Variants in STX2 observed in about 807,000 individuals in gnomAD.
STX2 encodes the protein syntaxin-2.
A neutral mutation model predicts 40.6 loss-of-function variants in STX2; 27 were observed. That is an observed-to-expected ratio of 0.66 (90% confidence interval 0.49 to 0.92). The LOEUF (loss-of-function observed/expected upper bound fraction) is 0.92, where lower values mean the gene tolerates loss of function less well. Among genes scored for constraint, STX2 ranks in the 40% least tolerant of loss-of-function variants. The pLI is 0.00. For synonymous variants in STX2, 123 were observed against 119.1 expected, an observed-to-expected ratio of 1.03 and a Z score of -0.22; for missense variants, 328 against 366.1, an observed-to-expected ratio of 0.90 and a Z score of 0.85.
chr12:130,818,185 A>ATATATATATATATATATAT (rs1555222352), intron 3 of STX2, among the ~76,000 whole-genome samples: 34 of 70,518 alleles, frequency 4.8e-4, no homozygotes, highest in African/African-American at 9.5e-4. Flanking sequence ...AAAAAAAAAA[A>ATATATATATATATATATAT]ATATATATAT....
chr12:130,809,274 G>A (rs1951557440), intron 4 of STX2, among the ~76,000 whole-genome samples: 1 of 151,548 alleles, frequency 6.6e-6, no homozygotes, highest in Admixed American at 6.6e-5. Context: ...ACAAATACAT[G>A]GAAAACACAC....
chr12:130,807,846 C>A lies in STX2; in HGVS notation c.355-756G>T, dbSNP rs144599782. Among the ~76,000 whole-genome samples, 1,049 of 152,276 alleles carry A rather than the reference C, an allele frequency of 6.9e-3. 8 individuals are homozygous for A. The highest frequency in any genetic ancestry group is 0.024 in the African/African-American group (993 of 41,546). ...CCAAAGGGACAGTTAAGCTTGGGAA[C>A]TGAGTCATGCAAAACACTGCCCTCC... On this transcript the variant is annotated intron_variant, in intron 5 of 10. Coordinates refer to ENST00000392373, the MANE Select transcript of STX2 (RefSeq NM_194356.4).
intron 3 of STX2, 122 bp downstream of exon 3, chr12:130,821,567 T>C: frequency 1.3e-6 from 1 of 774,676 alleles, no homozygotes; most frequent in Middle Eastern, 2.9e-4. Flanking sequence ...CTCTCTAGGG[T>C]GTCAGCATTT....
chr12:130,792,454 G>GA (rs1185872630), intron 10 of STX2, among the ~76,000 whole-genome samples: 1 of 152,148 alleles, frequency 6.6e-6, no homozygotes, highest in Non-Finnish European at 1.5e-5. Context: ...CTTGTTGGCT[G>GA]AAAAATCCTA....
chr12:130,815,208 G>A (rs575178260), intron 3 of STX2, among the ~76,000 whole-genome samples: 13 of 152,338 alleles, frequency 8.5e-5, no homozygotes, highest in African/African-American at 3.1e-4. Flanking sequence ...GAGATTCTCA[G>A]GGGAATCTTT....
chr12:130,833,593 T>C (rs1952653918), intron 1 of STX2, among the ~76,000 whole-genome samples: 1 of 152,116 alleles, frequency 6.6e-6, no homozygotes, highest in Non-Finnish European at 1.5e-5. Context: ...GCATCTTTAG[T>C]AGAGACGAGG....
rs1196823248 is a variant in STX2, at chr12:130,801,236, G to A, written c.592C>T (p.His198Tyr). The A allele has an allele frequency of 1.9e-6, 3 of 1,613,788 alleles. No individual in the cohort carries two copies. Among genetic ancestry groups the A allele is most frequent in the Non-Finnish European group, 2.5e-6 (3 of 1,179,876 alleles). Residue 198 changes from histidine to tyrosine, a missense_variant, in exon 8 of 11, where the codon CAC (histidine) becomes TAC (tyrosine). Coordinates refer to ENST00000392373, the MANE Select transcript of STX2 (RefSeq NM_194356.4). Reference protein sequence around the residue: ...RQALNEIESRHKDIMKLETSI... With the variant: ...RQALNEIESRYKDIMKLETSI... Reference sequence around the variant, plus strand: ...GTCTCCAGCTTCATGATGTCCTTGTGACGTGACTCGATTTCATTGAGAGCT... The same window carrying A: ...GTCTCCAGCTTCATGATGTCCTTGTAACGTGACTCGATTTCATTGAGAGCT...
rs73457318 is a variant in STX2 at position 130,828,548 on chromosome 12, C to T, written c.31-1281G>A. Among the ~76,000 whole-genome samples the T allele has an allele frequency of 1.1e-3, 171 of 151,802 alleles. 1 individual carries two copies. The highest frequency in any genetic ancestry group is 3.9e-3 in the African/African-American group (161 of 41,434). Reference sequence around the variant, plus strand: ...AGCCACTTCGCCCAGCCTGTACACTCGTAATTCTAAGCAAAGCAGCACTTC... The same window carrying T: ...AGCCACTTCGCCCAGCCTGTACACTTGTAATTCTAAGCAAAGCAGCACTTC... On this transcript the variant is annotated intron_variant, in intron 1 of 10. Coordinates refer to ENST00000392373, the MANE Select transcript of STX2 (RefSeq NM_194356.4).
rs963138918 is a variant in STX2 at position 130,798,723 on chromosome 12, A to G, written c.676-88T>C. 5.1e-6 allele frequency: 5 copies of G among 973,694 alleles called. 1 individual carries two copies. Among genetic ancestry groups the G allele is most frequent in the Non-Finnish European group, 3.0e-6 (2 of 677,180 alleles). The allele number at this position is 973,694 out of a possible 1,614,324, so 60.3% of individuals were successfully genotyped here. ...GACAACCATAGAACAAAGGTTTTAT[A>G]TAAACACGATGTGCATGTAATGGAT... On this transcript the variant is annotated intron_variant, in intron 8 of 10. Transcript: ENST00000392373.
chr12:130,805,561 A>C (rs1008564384), intron 6 of STX2, among the ~76,000 whole-genome samples: 1 of 152,194 alleles, frequency 6.6e-6, no homozygotes, highest in Non-Finnish European at 1.5e-5. Flanking sequence ...AGCATGCCAG[A>C]GGGAACACGC....
intron 1 of STX2, among the ~76,000 whole-genome samples, chr12:130,838,144 C>T (rs1210674124): frequency 6.6e-6 from 1 of 152,172 alleles, no homozygotes; most frequent in East Asian, 1.9e-4. Context: ...ATTTAGAGAC[C>T]AGAGGCTCTA....
At chr12:130,812,369 G>T in intron 4 of STX2, 1 of 454,876 alleles carries the variant, frequency 2.2e-6, no homozygotes, top group Admixed American at 2.4e-5. Context: ...GGTGCGGGTG[G>T]GAGCTCATGG....
In STX2 at chr12:130,817,726, A is replaced by G. The variant is rs113067963; in HGVS notation, c.205+3963T>C. On this transcript the variant is annotated intron_variant, in intron 3 of 10. Coordinates refer to ENST00000392373, the MANE Select transcript of STX2 (RefSeq NM_194356.4). ...AGCTCTAATTAGCTGACAAAAAAAA[A>G]AAGTAAAGCCAAAAGACACTGGAAA... is the stretch of plus-strand genomic sequence containing the variant. Among the ~76,000 whole-genome samples, 1,335 of 152,358 alleles carry G rather than the reference A, an allele frequency of 8.8e-3. 12 individuals are homozygous for G. Among genetic ancestry groups the G allele is most frequent in the African/African-American group, 0.03 (1,265 of 41,582 alleles).
chr12:130,838,653 G>C (rs568869378), intron 1 of STX2, among the ~76,000 whole-genome samples: 1 of 152,212 alleles, frequency 6.6e-6, no homozygotes, highest in African/African-American at 2.4e-5. Context: ...CCAGCTGCGG[G>C]GACCCCGTGG....
intron 9 of STX2, 130 bp downstream of exon 9, chr12:130,798,395 A>C (rs559889719): frequency 1.8e-6 from 1 of 550,778 alleles, no homozygotes; most frequent in South Asian, 4.7e-5. Context: ...AATTATTTCC[A>C]TTTTAAAATA....
chr12:130,792,081 C>A, intron 10 of STX2, 104 bp from the exon 11 acceptor site: 1 of 728,548 alleles, frequency 1.4e-6, no homozygotes, highest in Non-Finnish European at 2.2e-6. Context: ...AAAAATACAT[C>A]CATTATCAAG....
In STX2 at chr12:130,833,848, G is replaced by C. The variant is rs113159139; in HGVS notation, c.30+5222C>G. ...CCATGGGCATTTTCAAATGGAAACA[G>C]ACTGATTCAATAAATACCTGGCAGG... On this transcript the variant is annotated intron_variant, in intron 1 of 10. Transcript: ENST00000392373. 4.4e-3 allele frequency among the ~76,000 whole-genome samples: 667 copies of C among 152,328 alleles called. 9 individuals are homozygous for C. The highest frequency in any genetic ancestry group is 0.015 in the African/African-American group (644 of 41,564).
chr12:130,790,576 C>T lies in STX2; in HGVS notation c.*1447G>A, dbSNP rs764567316. ...GGTTTAATTATCATGAATCCCTATA[C>T]ATTTTGGAAATTAACTTTTAAAAGT... On this transcript the variant is annotated 3_prime_UTR_variant, in exon 11 of 11. Transcript: ENST00000392373. The T allele has an allele frequency of 1.3e-5, 2 of 152,182 alleles. No homozygotes were observed. Among genetic ancestry groups the T allele is most frequent in the Admixed American group, 6.5e-5 (1 of 15,286 alleles). The allele number at this position is 152,182 out of a possible 1,614,324, so 9.4% of individuals were successfully genotyped here.
At chr12:130,797,513 C>T (rs1201125328) in intron 9 of STX2, among the ~76,000 whole-genome samples, 2 of 152,310 alleles carry the variant, frequency 1.3e-5, no homozygotes, top group South Asian at 2.1e-4. Context: ...TGAGGGTGTG[C>T]CCTGGCGGCT....
Sources: gnomAD v4.1 joint callset for allele counts (sites outside exome capture counted in the v4.1 genomes callset) on GRCh38, gnomAD v4.1.1 for gene constraint, MANE v1.5 for transcripts, NCBI Gene and HGNC (gene_info 2026-07-23, HGNC 2026-07-21) for gene names.